The following PDLIM5 variants were observed in gnomAD, a reference collection of about 807,000 sequenced individuals.
PDLIM5 encodes the protein PDZ and LIM domain 5, also known as PDZ and LIM domain protein 5.
A neutral mutation model predicts 64.2 loss-of-function variants in PDLIM5; 34 were observed. That is an observed-to-expected ratio of 0.53 (90% confidence interval 0.40 to 0.71). The LOEUF (loss-of-function observed/expected upper bound fraction) is 0.71, where lower values mean the gene tolerates loss of function less well. Among genes scored for constraint, PDLIM5 ranks in the 30% least tolerant of loss-of-function variants. The pLI is 0.00. For missense variants in PDLIM5, 683 were observed against 733.6 expected, an observed-to-expected ratio of 0.93 and a Z score of 0.80; for synonymous variants, 253 against 269.1, an observed-to-expected ratio of 0.94 and a Z score of 0.59.
chr4:94,540,490 G>A (rs968807760), intron 3 of PDLIM5, among the ~76,000 whole-genome samples: 11 of 152,174 alleles, frequency 7.2e-5, no homozygotes, highest in African/African-American at 2.4e-4. Context: ...CACACAGCCA[G>A]GATGAAAAAC....
At chr4:94,512,083 C>T (rs1297381626) in intron 2 of PDLIM5, among the ~76,000 whole-genome samples, 4 of 151,324 alleles carry the variant, frequency 2.6e-5, no homozygotes, top group Non-Finnish European at 5.9e-5. Flanking sequence ...TGCAGTGGTG[C>T]GATCTCGGCT....
chr4:94,494,432 G>GTTTTT (rs61675663), intron 2 of PDLIM5, among the ~76,000 whole-genome samples: 25 of 70,768 alleles, frequency 3.5e-4, no homozygotes, highest in African/African-American at 4.4e-4. Context: ...TTTTTTTCTT[G>GTTTTT]TTTTTTTTTT....
chr4:94,614,172 A>G (rs1358225297), intron 7 of PDLIM5, among the ~76,000 whole-genome samples: 1 of 152,182 alleles, frequency 6.6e-6, no homozygotes. Context: ...CACATTGTCC[A>G]GGATGGTCTC....
intron 2 of PDLIM5, among the ~76,000 whole-genome samples, chr4:94,480,879 T>G (rs1427657596): frequency 6.6e-6 from 1 of 152,162 alleles, no homozygotes; most frequent in Non-Finnish European, 1.5e-5. Flanking sequence ...ACTGATCGTA[T>G]TAGTCCTTTT....
intron 2 of PDLIM5, chr4:94,455,975 G>A: frequency 6.8e-7 from 1 of 1,471,504 alleles, no homozygotes; most frequent in Non-Finnish European, 9.0e-7. Context: ...AATGTATTCT[G>A]TGTATATATT....
At chr4:94,503,160 T>A (rs1300355469) in intron 2 of PDLIM5, among the ~76,000 whole-genome samples, 1 of 152,154 alleles carries the variant, frequency 6.6e-6, no homozygotes, top group East Asian at 1.9e-4. Flanking sequence ...CCCCTGTAAC[T>A]GATAGTCACA....
At chr4:94,484,325 A>C (rs1448942865) in intron 2 of PDLIM5, among the ~76,000 whole-genome samples, 3 of 152,192 alleles carry the variant, frequency 2.0e-5, no homozygotes, top group Non-Finnish European at 4.4e-5. Context: ...GAAGATGTTA[A>C]AATTAAGAAG....
intron 2 of PDLIM5, among the ~76,000 whole-genome samples, chr4:94,481,650 C>T (rs1725861542): frequency 1.3e-5 from 2 of 151,918 alleles, no homozygotes; most frequent in Non-Finnish European, 2.9e-5. Context: ...GTTCTGTCAC[C>T]CAGGCTGGAG....
chr4:94,532,197 T>C (rs1449089799), intron 3 of PDLIM5, among the ~76,000 whole-genome samples: 1 of 152,226 alleles, frequency 6.6e-6, no homozygotes, highest in African/African-American at 2.4e-5. Context: ...GAGATCATCA[T>C]TACAGCAGTT....
At chr4:94,657,658 T>C (rs1433003630) in intron 11 of PDLIM5, 111 bp downstream of exon 11, 38 of 796,146 alleles carry the variant, frequency 4.8e-5, no homozygotes, top group Admixed American at 1.9e-4. Context: ...TTCTTAATTG[T>C]TTTGGAAGCA....
chr4:94,494,523 C>T (rs1314521412), intron 2 of PDLIM5, among the ~76,000 whole-genome samples: 1 of 142,590 alleles, frequency 7.0e-6, no homozygotes, highest in African/African-American at 2.5e-5. Context: ...CACTGCAACC[C>T]CTGCCTTCTG....
chr4:94,458,604 T>A (rs1723588794), intron 2 of PDLIM5, among the ~76,000 whole-genome samples: 1 of 152,170 alleles, frequency 6.6e-6, no homozygotes, highest in Admixed American at 6.5e-5. Context: ...TTCCTCTGAT[T>A]AGGTATTATT....
chr4:94,591,818 T>C (rs146526504), intron 7 of PDLIM5, among the ~76,000 whole-genome samples: 5 of 152,380 alleles, frequency 3.3e-5, no homozygotes, highest in Non-Finnish European at 7.3e-5. Context: ...ATAAGCATCC[T>C]GCATGCTAAG....
chr4:94,548,346 A>T (rs1732507054), intron 3 of PDLIM5, among the ~76,000 whole-genome samples: 1 of 152,154 alleles, frequency 6.6e-6, no homozygotes, highest in South Asian at 2.1e-4. Context: ...ATTTGTCCTG[A>T]CATTTTTATA....
At chr4:94,617,159 C>A (rs1738845911) in intron 7 of PDLIM5, among the ~76,000 whole-genome samples, 1 of 152,064 alleles carries the variant, frequency 6.6e-6, no homozygotes, top group Non-Finnish European at 1.5e-5. Flanking sequence ...TTATATCATA[C>A]CAAAGCATAT....
intron 3 of PDLIM5, among the ~76,000 whole-genome samples, chr4:94,557,955 T>G (rs1733497330): frequency 6.6e-6 from 1 of 152,058 alleles, no homozygotes; most frequent in African/African-American, 2.4e-5. Context: ...TGAATAGGAG[T>G]GGTGAAAGGG....
intron 2 of PDLIM5, among the ~76,000 whole-genome samples, chr4:94,470,127 C>T (rs1052299690): frequency 9.2e-5 from 14 of 151,710 alleles, no homozygotes; most frequent in African/African-American, 4.9e-5. Context: ...CCACCACACC[C>T]GGCTAATTTT....
intron 7 of PDLIM5, among the ~76,000 whole-genome samples, chr4:94,594,054 A>G (rs1383346607): frequency 6.6e-6 from 1 of 152,214 alleles, no homozygotes; most frequent in African/African-American, 2.4e-5. Flanking sequence ...GGCACACACT[A>G]TCTCTAATGG....
At chr4:94,659,951 C>CAG (rs1742547320) in intron 11 of PDLIM5, among the ~76,000 whole-genome samples, 1 of 149,784 alleles carries the variant, frequency 6.7e-6, no homozygotes, top group African/African-American at 2.5e-5. Flanking sequence ...GGCTGCAGTG[C>CAG]AGTGGCCCGA....
Sources: gnomAD v4.1 joint callset for allele counts (sites outside exome capture counted in the v4.1 genomes callset) on GRCh38, gnomAD v4.1.1 for gene constraint, MANE v1.5 for transcripts, NCBI Gene and HGNC (gene_info 2026-07-23, HGNC 2026-07-21) for gene names.